Variants in TTC7B observed in about 807,000 individuals in gnomAD.
TTC7B encodes the protein tetratricopeptide repeat protein 7B.
A neutral mutation model predicts 106.8 loss-of-function variants in TTC7B; 28 were observed. The ratio of observed to expected loss-of-function variants is 0.26; its 90% CI spans 0.19 to 0.36. TTC7B has a LOEUF of 0.36. Among genes scored for constraint, TTC7B ranks in the 10% least tolerant of loss-of-function variants. The probability of loss-of-function intolerance (pLI) is 1.00; values close to 1 mark genes in which losing one functional copy is unlikely to be tolerated. For synonymous variants in TTC7B, 405 were observed against 430.6 expected, an observed-to-expected ratio of 0.94 and a Z score of 0.74; for missense variants, 862 against 1,076.4, an observed-to-expected ratio of 0.80 and a Z score of 2.79.
At chr14:90,809,980 G>A (rs150570156) in intron 1 of TTC7B, among the ~76,000 whole-genome samples, 39 of 152,312 alleles carry the variant, frequency 2.6e-4, no homozygotes, top group African/African-American at 9.1e-4. Flanking sequence ...TTCTTCATTT[G>A]ATCCTTACAA....
intron 9 of TTC7B, 42 bp downstream of exon 9, chr14:90,676,481 G>T: frequency 6.2e-7 from 1 of 1,604,102 alleles, no homozygotes; most frequent in African/African-American, 1.3e-5. Flanking sequence ...CCGTGCAACT[G>T]CCACCCACCA....
In TTC7B at chr14:90,759,155, C is replaced by CGACCCACTCG. The variant is rs2140015073; in HGVS notation, c.446-14234_446-14233insCGAGTGGGTC. On this transcript the variant is annotated intron_variant, in intron 3 of 19. Transcript: ENST00000328459. This position sits in a 1 kb window ranked among gnomAD's most constrained non-coding sequence, Gnocchi z 4.1. ...TCTTCTGTCCCACTCCGACCCACTCCGGAGAGCCACGCTCTGAGCCGCACA... is the reference window on the plus strand; with the variant it reads ...TCTTCTGTCCCACTCCGACCCACTCCGACCCACTCGGGAGAGCCACGCTCTGAGCCGCACA... Among the ~76,000 whole-genome samples the CGACCCACTCG allele has an allele frequency of 6.6e-6, 1 of 152,270 alleles. No homozygotes were observed. Among genetic ancestry groups the CGACCCACTCG allele is most frequent in the East Asian group, 1.9e-4 (1 of 5,172 alleles).
At chr14:90,618,633 A>G (rs1428926159) in intron 15 of TTC7B, among the ~76,000 whole-genome samples, 1 of 152,114 alleles carries the variant, frequency 6.6e-6, no homozygotes, top group Non-Finnish European at 1.5e-5. Flanking sequence ...TTTTGTTACC[A>G]TCAACTACTC....
At chr14:90,813,984 T>G (rs1212605059) in intron 1 of TTC7B, among the ~76,000 whole-genome samples, 1 of 152,202 alleles carries the variant, frequency 6.6e-6, no homozygotes, top group Non-Finnish European at 1.5e-5. Flanking sequence ...TTTCTTGGCT[T>G]CATCGTTTTA....
At chr14:90,689,952 C>T (rs1249541884) in intron 6 of TTC7B, among the ~76,000 whole-genome samples, 2 of 152,188 alleles carry the variant, frequency 1.3e-5, no homozygotes, top group Non-Finnish European at 2.9e-5. Context: ...TGCCACCCCA[C>T]CTGTCACACT....
intron 19 of TTC7B, among the ~76,000 whole-genome samples, chr14:90,547,778 C>G (rs974331357): frequency 6.6e-6 from 1 of 151,520 alleles, no homozygotes; most frequent in Non-Finnish European, 1.5e-5. Context: ...TCCTGGGTGA[C>G]AGAGATAAAA....
Position 90,624,192 on chromosome 14 carries a change from C to T in TTC7B, c.1752-6147G>A, listed in dbSNP as rs931451354. Reference sequence around the variant, plus strand: ...TAAAATCTGGTTTTTTGAAGGACCTCGTTAATCAAAGTTTTACTTTTCATT... The same window carrying T: ...TAAAATCTGGTTTTTTGAAGGACCTTGTTAATCAAAGTTTTACTTTTCATT... On this transcript the variant is annotated intron_variant, in intron 15 of 19. Transcript: ENST00000328459. The surrounding 1 kb of genome is among the most constrained non-coding windows in gnomAD (Gnocchi z 4.0). Among the ~76,000 whole-genome samples the T allele has an allele frequency of 1.3e-5, 2 of 152,168 alleles. No homozygotes were observed. The highest frequency in any genetic ancestry group is 2.4e-5 in the African/African-American group (1 of 41,426).
chr14:90,540,231 C>T lies in TTC7B; in HGVS notation c.*1137G>A, dbSNP rs1449258785. 6.6e-6 allele frequency: 1 copy of T among 152,184 alleles called. No individual in the cohort carries two copies. The highest frequency in any genetic ancestry group is 1.5e-5 in the Non-Finnish European group (1 of 68,070). The allele number at this position is 152,184 out of a possible 1,614,324, so 9.4% of individuals were successfully genotyped here. ...TTGAGTCCAGGAGTTCAGGACCAGC[C>T]TGGGTAACACAGTGAGATCCCGTCT... On this transcript the variant is annotated 3_prime_UTR_variant, in exon 20 of 20. Coordinates refer to ENST00000328459, the MANE Select transcript of TTC7B (RefSeq NM_001010854.2).
intron 3 of TTC7B, among the ~76,000 whole-genome samples, chr14:90,754,307 T>C (rs939216729): frequency 6.6e-6 from 1 of 152,208 alleles, no homozygotes; most frequent in Non-Finnish European, 1.5e-5. Flanking sequence ...ATGATGTATC[T>C]GTCTTTATAC....
chr14:90,730,683 C>A (rs1889291822), intron 4 of TTC7B, among the ~76,000 whole-genome samples: 1 of 152,132 alleles, frequency 6.6e-6, no homozygotes, highest in Non-Finnish European at 1.5e-5. Context: ...TGGAATCAAC[C>A]AGAAAAAGGC....
rs534496820 is a variant in TTC7B, at chr14:90,526,989, G to C, written c.*14379C>G. 6.6e-6 allele frequency: 1 copy of C among 151,972 alleles called. No homozygotes were observed. Among genetic ancestry groups the C allele is most frequent in the Non-Finnish European group, 1.5e-5 (1 of 68,032 alleles). 9.4% of individuals were successfully genotyped at this position (151,972 alleles called of 1,614,324 possible). ...GTCTTCATGGGCTTCTCTGGTTTTC[G>C]TCAGTTTCTTAGACTTTTCTTTTTC... On this transcript the variant is annotated 3_prime_UTR_variant, in exon 20 of 20. Coordinates refer to ENST00000328459, the MANE Select transcript of TTC7B (RefSeq NM_001010854.2).
chr14:90,706,686 A>T (rs1377697746), intron 5 of TTC7B, among the ~76,000 whole-genome samples: 12 of 152,308 alleles, frequency 7.9e-5, no homozygotes, highest in African/African-American at 2.9e-4. Context: ...TGACCTAGGA[A>T]TCTTTGATAG....
intron 13 of TTC7B, chr14:90,648,424 C>A (rs1473952669): frequency 1.3e-5 from 2 of 152,452 alleles, no homozygotes; most frequent in South Asian, 2.0e-4. Context: ...GATCACTGCT[C>A]ATTGCAGCCT....
intron 19 of TTC7B, among the ~76,000 whole-genome samples, chr14:90,571,593 CCTT>C (rs1323177934): frequency 2.2e-4 from 33 of 152,166 alleles, no homozygotes; most frequent in African/African-American, 7.5e-4. Flanking sequence ...GATGAAAAGG[CCTT>C]CTCACTGGAC....
rs947543076 is a variant in TTC7B, at chr14:90,537,582, C to G, written c.*3786G>C. The G allele has an allele frequency of 6.6e-6, 1 of 152,366 alleles. No homozygotes were observed. Among genetic ancestry groups the G allele is most frequent in the Non-Finnish European group, 1.5e-5 (1 of 68,156 alleles). 9.4% of individuals were successfully genotyped at this position (152,366 alleles called of 1,614,324 possible). A position where few individuals can be genotyped will look rare whatever the true frequency, so the allele number is the denominator to read the frequency against. On this transcript the variant is annotated 3_prime_UTR_variant, in exon 20 of 20. Transcript: ENST00000328459. ...CACCTGTGTGGCCCCTGTTAAACTT[C>G]TGACCTCTTCTCATCCTTCACCACC...
At position 90,528,299 on chromosome 14, in the gene TTC7B, C is replaced by T. The variant is rs1276863271; in HGVS notation, c.*13069G>A. ...GGCTACAGACAACCCTCCAAATGGT[C>T]AGTTAAGAACCAGGGCCACATTGTG... On this transcript the variant is annotated 3_prime_UTR_variant, in exon 20 of 20. Transcript: ENST00000328459. 6.6e-6 allele frequency: 1 copy of T among 152,214 alleles called. No individual in the cohort carries two copies. The highest frequency in any genetic ancestry group is 1.5e-5 in the Non-Finnish European group (1 of 68,054). The allele number at this position is 152,214 out of a possible 1,614,324, so 9.4% of individuals were successfully genotyped here.
chr14:90,682,714 TG>T (rs1300193772), intron 7 of TTC7B, among the ~76,000 whole-genome samples: 3 of 150,130 alleles, frequency 2.0e-5, no homozygotes, highest in African/African-American at 7.4e-5. Context: ...AAGGGGAAGG[TG>T]GGGGACGAAA....
chr14:90,658,418 T>A, intron 9 of TTC7B, 31 bp from the exon 10 acceptor site: 1 of 1,595,852 alleles, frequency 6.3e-7, no homozygotes, highest in South Asian at 1.1e-5. Context: ...AATGCAGACA[T>A]CTGAGAATCA....
At chr14:90,796,400 G>A (rs72695562) in intron 1 of TTC7B, among the ~76,000 whole-genome samples, 6,464 of 152,246 alleles carry the variant, frequency 0.042, 191 homozygotes, top group Non-Finnish European at 0.058. Context: ...TGGGGAATGA[G>A]CCACCCTGCA....
Sources: gnomAD v4.1 joint callset for allele counts (sites outside exome capture counted in the v4.1 genomes callset) on GRCh38, gnomAD v4.1.1 for gene constraint, Gnocchi (gnomAD v3.1) non-coding constraint, MANE v1.5 for transcripts, NCBI Gene and HGNC (gene_info 2026-07-23, HGNC 2026-07-21) for gene names.